Variants in SLC17A1 observed in about 807,000 individuals in gnomAD.
SLC17A1 encodes the protein solute carrier family 17 member 1.
SLC17A1 carries 51 observed loss-of-function variants against 53.5 expected under a neutral mutation model. The ratio of observed to expected loss-of-function variants is 0.95; its 90% confidence interval spans 0.76 to 1.20. SLC17A1 has a LOEUF of 1.20. Ranked by LOEUF, SLC17A1 falls within the 50% of genes most tolerant of loss-of-function variation. The pLI is 0.00. For missense variants in SLC17A1, 538 were observed against 568.2 expected (o/e 0.95, Z 0.54); for synonymous variants, 179 against 198.8 (o/e 0.90, Z 0.84).
At chr6:25,726,786 C>CT in the SLC17A1 span, 1 of 1,276,290 alleles carries the variant, frequency 7.8e-7, no homozygotes, top group Non-Finnish European at 1.1e-6. Context: ...TGTTTGTTTA[C>CT]TTGGCGAGAC....
chr6:25,771,614 C>A, the SLC17A1 span, among the ~76,000 whole-genome samples: 4 of 151,986 alleles, frequency 2.6e-5, no homozygotes, highest in Admixed American at 2.6e-4. Context: ...AGTCAGATTA[C>A]ATTTTAGTCA....
chr6:25,770,600 C>G, the SLC17A1 span: 1 of 816,546 alleles, frequency 1.2e-6, no homozygotes, highest in Non-Finnish European at 2.1e-6. Flanking sequence ...AGCACTACCC[C>G]ATACTGCCTT....
chr6:25,777,701 G>C, the SLC17A1 span: 2 of 435,326 alleles, frequency 4.6e-6, no homozygotes, highest in Non-Finnish European at 8.2e-6. Context: ...GGGAGTACCA[G>C]TCCCTAGCAC....
At chr6:25,783,797 CTTT>C (rs748851816) in intron 12 of SLC17A1, among the ~76,000 whole-genome samples, 1 of 143,766 alleles carries the variant, frequency 7.0e-6, no homozygotes. Context: ...ACCACACACT[CTTT>C]TTTTTTTTTT....
the SLC17A1 span, among the ~76,000 whole-genome samples, chr6:25,753,713 C>A: frequency 6.6e-6 from 1 of 151,740 alleles, no homozygotes; most frequent in Non-Finnish European, 1.5e-5. Context: ...GGATCCTGGG[C>A]CAGGAGTAGG....
intron 12 of SLC17A1, among the ~76,000 whole-genome samples, chr6:25,790,575 A>G (rs992618691): frequency 6.6e-6 from 1 of 152,164 alleles, no homozygotes; most frequent in African/African-American, 2.4e-5. Flanking sequence ...TTTAATATTA[A>G]AAGTATATTT....
At chr6:25,808,484 A>G (rs1358751498) in intron 10 of SLC17A1, among the ~76,000 whole-genome samples, 1 of 152,022 alleles carries the variant, frequency 6.6e-6, no homozygotes, top group Non-Finnish European at 1.5e-5. Context: ...CTTGTATTCC[A>G]AAAGCTATTG....
downstream of SLC17A1, among the ~76,000 whole-genome samples, chr6:25,781,661 C>G (rs151090166): frequency 6.6e-6 from 1 of 152,172 alleles, no homozygotes; most frequent in African/African-American, 2.4e-5. Context: ...TAGGCCTGTA[C>G]AGAAAGCACA....
the SLC17A1 span, among the ~76,000 whole-genome samples, chr6:25,731,319 C>G: frequency 6.6e-6 from 1 of 152,224 alleles, no homozygotes; most frequent in Non-Finnish European, 1.5e-5. Flanking sequence ...AGCTGGTCCA[C>G]CCGGACTTGG....
At chr6:25,805,184 A>T (rs890374546) in intron 10 of SLC17A1, among the ~76,000 whole-genome samples, 1 of 152,012 alleles carries the variant, frequency 6.6e-6, no homozygotes, top group Non-Finnish European at 1.5e-5. Context: ...TCTTATATTT[A>T]AAAATTATAT....
chr6:25,740,442 G>A, the SLC17A1 span, among the ~76,000 whole-genome samples: 53 of 152,096 alleles, frequency 3.5e-4, no homozygotes, highest in East Asian at 7.5e-3. Context: ...TAAGTTATTT[G>A]TTGTATTACA....
downstream of SLC17A1, chr6:25,778,151 A>C: frequency 4.9e-6 from 3 of 607,650 alleles, no homozygotes; most frequent in Non-Finnish European, 8.5e-6. Context: ...TGATGACTTA[A>C]GAATTAAAGA....
intron 10 of SLC17A1, among the ~76,000 whole-genome samples, chr6:25,807,573 C>T (rs921434819): frequency 2.0e-4 from 31 of 151,994 alleles, no homozygotes; most frequent in Admixed American, 1.6e-3. Flanking sequence ...GAGCAGTGCA[C>T]ATTGCACCCA....
intron 12 of SLC17A1, among the ~76,000 whole-genome samples, chr6:25,784,136 A>G (rs1331004936): frequency 1.3e-5 from 2 of 152,174 alleles, no homozygotes; most frequent in Non-Finnish European, 2.9e-5. Flanking sequence ...ATACAAATAG[A>G]CATTTTCTGG....
chr6:25,724,585 A>T, the SLC17A1 span, among the ~76,000 whole-genome samples: 1 of 152,258 alleles, frequency 6.6e-6, no homozygotes, highest in East Asian at 1.9e-4. Context: ...TAGAAATAAA[A>T]GTATTATGTA....
the SLC17A1 span, chr6:25,726,777 G>A: frequency 8.1e-7 from 1 of 1,235,138 alleles, no homozygotes; most frequent in Non-Finnish European, 1.1e-6. Context: ...CTCCAGTTCT[G>A]TTTGTTTACT....
chr6:25,819,387 G>T, intron 5 of SLC17A1, 124 bp downstream of exon 5: 1 of 824,712 alleles, frequency 1.2e-6, no homozygotes, highest in Non-Finnish European at 2.0e-6. Context: ...TAGCAAGAAT[G>T]CTGAAACAGA....
chr6:25,801,890 G>A (rs1472737107), intron 10 of SLC17A1, among the ~76,000 whole-genome samples: 6 of 151,610 alleles, frequency 4.0e-5, no homozygotes, highest in Non-Finnish European at 2.9e-5. Context: ...TAGGATTAGA[G>A]TTGTCTCTTT....
chr6:25,826,742 A>T, intron 2 of SLC17A1, 109 bp from the exon 3 acceptor site: 8 of 628,176 alleles, frequency 1.3e-5, no homozygotes, highest in Non-Finnish European at 2.0e-5. Flanking sequence ...TTAATTTAAA[A>T]TTTTATTGTA....
Sources: gnomAD v4.1 joint callset for allele counts (sites outside exome capture counted in the v4.1 genomes callset) on GRCh38, gnomAD v4.1.1 for gene constraint, MANE v1.5 for transcripts, NCBI Gene and HGNC (gene_info 2026-07-23, HGNC 2026-07-21) for gene names.